The following GTF2F2 variants were observed in gnomAD, a reference collection of about 807,000 sequenced individuals.
GTF2F2 encodes the protein ATP-dependent helicase GTF2F2.
A neutral mutation model predicts 42.2 loss-of-function variants in GTF2F2; 23 were observed. That is an observed-to-expected ratio of 0.55 (90% CI 0.39 to 0.77). GTF2F2 has a LOEUF of 0.77. Ranked by LOEUF, GTF2F2 falls within the 30% of genes least tolerant of loss-of-function variation. The pLI is 0.00. For missense variants in GTF2F2, 261 were observed against 287.2 expected (o/e 0.91, Z 0.66); for synonymous variants, 105 against 100.8 (o/e 1.04, Z -0.25).
intron 4 of GTF2F2, among the ~76,000 whole-genome samples, chr13:45,161,270 G>A (rs1455333947): frequency 6.6e-6 from 1 of 152,006 alleles, no homozygotes; most frequent in Non-Finnish European, 1.5e-5. Flanking sequence ...CAGTGAAAAA[G>A]GTAATTAAAT....
chr13:45,230,932 T>G (rs1874644704), intron 5 of GTF2F2, among the ~76,000 whole-genome samples: 1 of 152,116 alleles, frequency 6.6e-6, no homozygotes, highest in East Asian at 1.9e-4. Flanking sequence ...GGGTTTTTTT[T>G]GCAGCTTTTG....
chr13:45,140,730 C>G (rs1401600026), intron 2 of GTF2F2, among the ~76,000 whole-genome samples: 2 of 152,120 alleles, frequency 1.3e-5, no homozygotes, highest in African/African-American at 2.4e-5. Flanking sequence ...TAATTAGCTA[C>G]TGTTCTGTAA....
At chr13:45,194,554 A>AT in intron 4 of GTF2F2, 1 of 1,607,670 alleles carries the variant, frequency 6.2e-7, no homozygotes, top group Non-Finnish European at 8.5e-7. Context: ...TCTTCTGTTT[A>AT]TTTTACGCTC....
At chr13:45,238,409 C>T (rs1369088196) in intron 5 of GTF2F2, among the ~76,000 whole-genome samples, 1 of 152,080 alleles carries the variant, frequency 6.6e-6, no homozygotes, top group Non-Finnish European at 1.5e-5. Flanking sequence ...TTTTTCCCCT[C>T]ATATATTTCT....
Position 45,121,937 on chromosome 13 carries a change from A to G in GTF2F2, c.66+1216A>G, listed in dbSNP as rs17295858. Among the ~76,000 whole-genome samples the G allele has an allele frequency of 6.4e-3, 978 of 152,280 alleles. 6 individuals carry two copies. The highest frequency in any genetic ancestry group is 9.6e-3 in the Admixed American group (146 of 15,278). On this transcript the variant is annotated intron_variant, in intron 1 of 7. Transcript: ENST00000340473. The stretch of plus-strand genomic sequence containing the variant: ...GAGATTGCCCTTACGGACTGAAGGA[A>G]AAAGCTTGAAAAAATGGTGTGACTT...
intron 7 of GTF2F2, among the ~76,000 whole-genome samples, chr13:45,274,907 G>A (rs796446163): frequency 6.6e-6 from 1 of 150,950 alleles, no homozygotes; most frequent in African/African-American, 2.4e-5. Flanking sequence ...GGGAGACCCT[G>A]TCTCAAAAAA....
intron 5 of GTF2F2, among the ~76,000 whole-genome samples, chr13:45,235,883 G>C (rs1331098199): frequency 6.6e-6 from 1 of 151,992 alleles, no homozygotes; most frequent in Non-Finnish European, 1.5e-5. Flanking sequence ...GGGATTACAG[G>C]GATGAGCCAC....
chr13:45,194,564 C>G, intron 4 of GTF2F2: 5 of 1,606,558 alleles, frequency 3.1e-6, no homozygotes, highest in Non-Finnish European at 3.4e-6. Flanking sequence ...ATTTTACGCT[C>G]CATTTTTTGA....
intron 2 of GTF2F2, among the ~76,000 whole-genome samples, chr13:45,146,522 A>G (rs774578886): frequency 5.9e-5 from 9 of 152,040 alleles, no homozygotes; most frequent in Non-Finnish European, 1.0e-4. Flanking sequence ...AACAAAACCA[A>G]CAAGAGCCAA....
At chr13:45,151,098 T>C (rs1443225483) in intron 3 of GTF2F2, among the ~76,000 whole-genome samples, 2 of 152,152 alleles carry the variant, frequency 1.3e-5, no homozygotes, top group Non-Finnish European at 1.5e-5. Context: ...TGGTAACCAA[T>C]AGGTAGTTTT....
chr13:45,120,542 G>C lies in GTF2F2; in HGVS notation c.-114G>C. The C allele has an allele frequency of 1.4e-6, 1 of 723,692 alleles. No homozygotes were observed. Among genetic ancestry groups the C allele is most frequent in the Non-Finnish European group, 2.4e-6 (1 of 418,480 alleles). 44.8% of individuals were successfully genotyped at this position (723,692 alleles called of 1,614,324 possible). ...CCCAGTGTTCTGGCAGGTAAGGAAC[G>C]CCGGCTCTTCGCCTCTCAGCGCGGC... On this transcript the variant is annotated 5_prime_UTR_variant, in exon 1 of 8. Transcript: ENST00000340473.
chr13:45,199,773 A>C (rs1405863965), intron 4 of GTF2F2, among the ~76,000 whole-genome samples: 5 of 152,224 alleles, frequency 3.3e-5, no homozygotes, highest in African/African-American at 1.2e-4. Flanking sequence ...AAGGTAGTAC[A>C]GTTAGGAAGT....
intron 4 of GTF2F2, among the ~76,000 whole-genome samples, chr13:45,174,108 A>G (rs1028058692): frequency 2.6e-5 from 4 of 152,148 alleles, no homozygotes. Flanking sequence ...CCTCTCATTG[A>G]AGAATGTCTG....
rs140084248 is a variant in GTF2F2 at position 45,225,857 on chromosome 13, T to C, written c.386+18352T>C. Among the ~76,000 whole-genome samples, 5 of 152,200 alleles carry C rather than the reference T, an allele frequency of 3.3e-5. No individual in the cohort carries two copies. The East Asian group carries it at 7.7e-4, about 23-fold the overall frequency. ...GGGACAGTGGTGCCTGTTGTACTTA[T>C]TTGTTTCAATAAATTTTGTTTCCTC... On this transcript the variant is annotated intron_variant, in intron 5 of 7. Coordinates refer to ENST00000340473, the MANE Select transcript of GTF2F2 (RefSeq NM_004128.3).
intron 4 of GTF2F2, among the ~76,000 whole-genome samples, chr13:45,171,016 G>A (rs1269543159): frequency 6.7e-6 from 1 of 150,320 alleles, no homozygotes; most frequent in Non-Finnish European, 1.5e-5. Flanking sequence ...AGAAAGCAAC[G>A]TTGCTTGCAT....
intron 4 of GTF2F2, among the ~76,000 whole-genome samples, chr13:45,165,287 T>C (rs1156599602): frequency 2.0e-5 from 3 of 147,514 alleles, no homozygotes; most frequent in East Asian, 3.9e-4. Flanking sequence ...TATATACCCA[T>C]TATCCATTAG....
At chr13:45,241,905 T>C (rs1410070223) in intron 5 of GTF2F2, among the ~76,000 whole-genome samples, 1 of 152,212 alleles carries the variant, frequency 6.6e-6, no homozygotes, top group Non-Finnish European at 1.5e-5. Context: ...TTAATAAATA[T>C]TTGTAAGAGA....
chr13:45,240,061 A>G (rs912221566), intron 5 of GTF2F2, among the ~76,000 whole-genome samples: 1 of 142,174 alleles, frequency 7.0e-6, no homozygotes, highest in African/African-American at 2.7e-5. Context: ...TGCTAGTTTT[A>G]TATACCAAAA....
At chr13:45,207,619 C>T in intron 5 of GTF2F2, 114 bp downstream of exon 5, 1 of 638,632 alleles carries the variant, frequency 1.6e-6, no homozygotes, top group South Asian at 2.2e-5. Flanking sequence ...TGAGTGTTTG[C>T]TTCAAAAGCT....
Sources: gnomAD v4.1 joint callset for allele counts (sites outside exome capture counted in the v4.1 genomes callset) on GRCh38, gnomAD v4.1.1 for gene constraint, MANE v1.5 for transcripts, NCBI Gene and HGNC (gene_info 2026-07-23, HGNC 2026-07-21) for gene names.